NR2F1-AS1: variants seen among roughly 807,000 people sequenced by gnomAD.
NR2F1-AS1 encodes the protein NR2F1 regulatory antisense RNA 1, also known as NR2F1 antisense RNA 1.
Position 93,579,165 on chromosome 5 carries a change from T to C in NR2F1-AS1, n.313+1302A>G, listed in dbSNP as rs1345045602. 2.0e-5 allele frequency among the ~76,000 whole-genome samples: 3 copies of C among 152,124 alleles called. No individual in the cohort carries two copies. Among genetic ancestry groups the C allele is most frequent in the Non-Finnish European group, 2.9e-5 (2 of 68,028 alleles). On this transcript the variant is annotated intron_variant and non_coding_transcript_variant, in intron 1 of 5. Coordinates refer to ENST00000660523, the Ensembl canonical transcript of NR2F1-AS1. The surrounding 1 kb of genome is among the most constrained non-coding windows in gnomAD (Gnocchi z 5.1). ...GGACAGCGCCCTCCTCGAAAAGCCT[T>C]GGTTTCTCCCCGCCCCCTCTTGTGA...
chr5:93,440,016 A>C (rs912505961), intron 4 of NR2F1-AS1, among the ~76,000 whole-genome samples: 1 of 152,218 alleles, frequency 6.6e-6, no homozygotes, highest in African/African-American at 2.4e-5. Flanking sequence ...ACACCCAATC[A>C]GTAATTATTC....
intron 4 of NR2F1-AS1, among the ~76,000 whole-genome samples, chr5:93,484,405 AG>A (rs1750671215): frequency 6.6e-6 from 1 of 152,218 alleles, no homozygotes; most frequent in Non-Finnish European, 1.5e-5. Flanking sequence ...AAATGCTGAG[AG>A]ATTTTGTCAC....
intron 4 of NR2F1-AS1, among the ~76,000 whole-genome samples, chr5:93,510,920 T>TGG (rs1353505982): frequency 2.0e-5 from 3 of 152,206 alleles, no homozygotes; most frequent in African/African-American, 7.2e-5. Flanking sequence ...AATAAGGCTT[T>TGG]GGGTTAAATT....
chr5:93,502,043 T>C (rs1347647901), intron 4 of NR2F1-AS1, among the ~76,000 whole-genome samples: 4 of 152,198 alleles, frequency 2.6e-5, no homozygotes, highest in Non-Finnish European at 5.9e-5. Flanking sequence ...GCTCAGATGA[T>C]TGTTAGCAAT....
At chr5:93,544,958 G>A (rs988610985) in intron 4 of NR2F1-AS1, 2 of 150,266 alleles carry the variant, frequency 1.3e-5, no homozygotes, top group East Asian at 1.9e-4. Context: ...CTGTAGGTAC[G>A]TCTAATCTAA....
intron 4 of NR2F1-AS1, among the ~76,000 whole-genome samples, chr5:93,442,047 C>G (rs1457363207): frequency 6.6e-6 from 1 of 152,150 alleles, no homozygotes; most frequent in African/African-American, 2.4e-5. Context: ...ACTCTCTGGC[C>G]CTTTATAGAA....
chr5:93,540,894 G>A (rs189806456), intron 4 of NR2F1-AS1, among the ~76,000 whole-genome samples: 1 of 152,276 alleles, frequency 6.6e-6, no homozygotes, highest in East Asian at 1.9e-4. Context: ...TACTGTGCAA[G>A]TACATGAGTG....
chr5:93,423,212 A>C (rs1749124783), intron 4 of NR2F1-AS1: 1 of 152,198 alleles, frequency 6.6e-6, no homozygotes, highest in South Asian at 2.1e-4. Flanking sequence ...ACGTCTGAGG[A>C]AACTGCTGTC....
intron 4 of NR2F1-AS1, among the ~76,000 whole-genome samples, chr5:93,526,174 A>G (rs192054664): frequency 6.6e-5 from 10 of 152,356 alleles, no homozygotes; most frequent in Admixed American, 5.9e-4. Context: ...TAAAGGCAAT[A>G]TCACCACTGA....
intron 4 of NR2F1-AS1, among the ~76,000 whole-genome samples, chr5:93,507,546 C>G (rs1434915855): frequency 5.3e-5 from 8 of 151,878 alleles, no homozygotes; most frequent in African/African-American, 1.9e-4. Context: ...TTAGTAGACA[C>G]GAGGTTTTAC....
rs149052572 is a variant in NR2F1-AS1 at position 93,508,306 on chromosome 5, G to A, written n.638+45455C>T. 1.1e-3 allele frequency among the ~76,000 whole-genome samples: 172 copies of A among 152,164 alleles called. 1 individual carries two copies. Among genetic ancestry groups the A allele is most frequent in the African/African-American group, 4.0e-3 (166 of 41,524 alleles). On this transcript the variant is annotated intron_variant and non_coding_transcript_variant, in intron 4 of 5. Coordinates refer to ENST00000660523, the Ensembl canonical transcript of NR2F1-AS1. ...ATAGGGAACCCAGAAACAGAACCACGTATATATGGCAATTTGGTACTGAAT... is the reference window on the plus strand; with the variant it reads ...ATAGGGAACCCAGAAACAGAACCACATATATATGGCAATTTGGTACTGAAT...
intron 4 of NR2F1-AS1, among the ~76,000 whole-genome samples, chr5:93,486,142 C>T (rs1750711761): frequency 7.5e-6 from 1 of 133,118 alleles, no homozygotes; most frequent in Non-Finnish European, 1.6e-5. Flanking sequence ...AGGGATAGCA[C>T]TGGGAGATAT....
At chr5:93,451,320 GA>G (rs35059457) in intron 4 of NR2F1-AS1, among the ~76,000 whole-genome samples, 19,995 of 78,796 alleles carry the variant, frequency 0.25, 1,664 homozygotes, top group African/African-American at 0.4. Context: ...TAGGGTTTTT[GA>G]AAAAAAAAAA....
chr5:93,433,070 C>T (rs1388229441), intron 4 of NR2F1-AS1, among the ~76,000 whole-genome samples: 1 of 152,124 alleles, frequency 6.6e-6, no homozygotes, highest in Non-Finnish European at 1.5e-5. Context: ...TTCTCCTATG[C>T]CATGACCACC....
rs148632615 is a variant in NR2F1-AS1, at chr5:93,475,259, C to T, written n.638+78502G>A. ...ACTATATGATCCAAAAAGTTAAAAG[C>T]TATGGACCTGCACAAAATATGGATG... On this transcript the variant is annotated intron_variant and non_coding_transcript_variant, in intron 4 of 5. Coordinates refer to ENST00000660523, the Ensembl canonical transcript of NR2F1-AS1. Among the ~76,000 whole-genome samples, 389 of 152,080 alleles carry T rather than the reference C, an allele frequency of 2.6e-3. 1 individual carries two copies. Among genetic ancestry groups the T allele is most frequent in the African/African-American group, 8.4e-3 (348 of 41,496 alleles).
At chr5:93,566,269 T>C (rs555765920) in intron 1 of NR2F1-AS1, among the ~76,000 whole-genome samples, 243 of 152,126 alleles carry the variant, frequency 1.6e-3, no homozygotes, top group Non-Finnish European at 2.7e-3. Flanking sequence ...AGATGTTCCT[T>C]TTTCCTTTCA....
intron 4 of NR2F1-AS1, among the ~76,000 whole-genome samples, chr5:93,414,077 CATG>C (rs1748917759): frequency 6.6e-6 from 1 of 152,246 alleles, no homozygotes; most frequent in South Asian, 2.1e-4. Flanking sequence ...ATTTAATATT[CATG>C]ATACTTCACA....
At chr5:93,490,570 AGTGGTGGTGGTGGTGGTGATGGTG>A (rs1561465323) in intron 4 of NR2F1-AS1, among the ~76,000 whole-genome samples, 3 of 101,230 alleles carry the variant, frequency 3.0e-5, no homozygotes, top group Non-Finnish European at 4.2e-5. Context: ...TGGTGATGGG[AGTGGTGGTGGTGGTGGTGATGGTG>A]GTGGTGGCGG....
intron 4 of NR2F1-AS1, among the ~76,000 whole-genome samples, chr5:93,507,325 GGTTTTTTTT>G: frequency 7.7e-6 from 1 of 129,148 alleles, no homozygotes; most frequent in Non-Finnish European, 1.7e-5. Context: ...TGGGATTTGG[GGTTTTTTTT>G]GTTTTGTTTT....
Sources: allele counts gnomAD v4.1 joint callset (sites outside exome capture counted in the v4.1 genomes callset), GRCh38; gene constraint gnomAD v4.1.1; non-coding constraint Gnocchi (gnomAD v3.1); transcripts MANE v1.5; gene names NCBI Gene and HGNC (gene_info 2026-07-23, HGNC 2026-07-21).